Variants in FAM83A observed in about 807,000 individuals in gnomAD.
FAM83A encodes protein FAM83A.
In FAM83A, 21 loss-of-function variants were observed where a neutral mutation model predicts 24.4. The ratio of observed to expected loss-of-function variants is 0.86; its 90% CI spans 0.61 to 1.24. The LOEUF is 1.24. FAM83A is among the 50% of genes most tolerant of loss of function. The pLI is 0.00. For missense variants in FAM83A, 617 were observed against 579.8 expected, an observed-to-expected ratio of 1.06 and a Z score of -0.66; for synonymous variants, 270 against 252.4, an observed-to-expected ratio of 1.07 and a Z score of -0.66.
chr8:123,183,366 G>T, intron 1 of FAM83A, 30 bp downstream of exon 1: 1 of 1,590,444 alleles, frequency 6.3e-7, no homozygotes. Context: ...TGTCTCCGTG[G>T]CCAAGTAGCA....
chr8:123,203,975 G>A (rs1238409430), intron 3 of FAM83A, among the ~76,000 whole-genome samples: 4 of 144,758 alleles, frequency 2.8e-5, no homozygotes, highest in Admixed American at 1.4e-4. Flanking sequence ...AAAAAAAAAA[G>A]GACAAAAAAA....
At chr8:123,207,785 C>A in exon 4 of FAM83A, 1 of 1,406,452 alleles carries the variant, frequency 7.1e-7, no homozygotes, top group South Asian at 1.6e-5. Flanking sequence ...AGCCACTTCC[C>A]TTTGAAAAGA....
At chr8:123,187,422 C>G (rs61354203) in intron 1 of FAM83A, among the ~76,000 whole-genome samples, 1 of 152,164 alleles carries the variant, frequency 6.6e-6, no homozygotes, top group African/African-American at 2.4e-5. Context: ...CACGCAGAAG[C>G]GGCTCTGACC....
chr8:123,192,042 A>C (rs1328411907), intron 2 of FAM83A, 72 bp downstream of exon 2: 1 of 1,513,302 alleles, frequency 6.6e-7, no homozygotes, highest in Non-Finnish European at 9.0e-7. Context: ...AATAGTAACA[A>C]ATGTCCCTCA....
chr8:123,183,207 A>C, exon 1 of FAM83A: 1 of 1,613,656 alleles, frequency 6.2e-7, no homozygotes, highest in African/African-American at 1.3e-5. Flanking sequence ...AGCCGGCCCT[A>C]CTGCACAGCT....
rs766567356 is a variant in FAM83A at position 123,209,510 on chromosome 8, CTTG to C, written c.*1828_*1830del. 6.8e-6 allele frequency: 11 copies of C among 1,614,172 alleles called. No homozygotes were observed. Among genetic ancestry groups the C allele is most frequent in the South Asian group, 5.5e-5 (5 of 91,076 alleles). On this transcript the variant is annotated 3_prime_UTR_variant, in exon 4 of 4. Transcript: ENST00000690554. This position sits in a 1 kb window ranked among gnomAD's most constrained non-coding sequence, Gnocchi z 4.7. ...ATGGCTTTCTGAACCCAGCCCTGAC[CTTG>C]TTGTTTCACAGCTGACGGCTGAGAT...
At position 123,191,989 on chromosome 8, in the gene FAM83A, G is replaced by A. The variant is rs1363930416; in HGVS notation, c.648+19G>A. The A allele has an allele frequency of 6.2e-7, 1 of 1,612,896 alleles. No individual in the cohort carries two copies. Among genetic ancestry groups the A allele is most frequent in the Non-Finnish European group, 8.5e-7 (1 of 1,179,350 alleles). ...CCTCAAGGTAGGGGCCCCAATGAGA[G>A]TCCTAAGGGTACTCATATTAGCCCA... On this transcript the variant is annotated intron_variant, in intron 2 of 3. Coordinates refer to ENST00000690554, the Ensembl canonical transcript of FAM83A.
intron 3 of FAM83A, among the ~76,000 whole-genome samples, chr8:123,198,012 C>A (rs1824219193): frequency 6.6e-6 from 1 of 152,156 alleles, no homozygotes; most frequent in South Asian, 2.1e-4. Flanking sequence ...CACCTGTAAT[C>A]CCAGCTGCTG....
chr8:123,208,460 G>A (rs115042207), exon 4 of FAM83A: 1 of 985,336 alleles, frequency 1.0e-6, no homozygotes. Context: ...GAGTTGTCAG[G>A]GGCCAGGACT....
At chr8:123,189,701 T>C (rs769612081) in intron 1 of FAM83A, among the ~76,000 whole-genome samples, 2 of 152,158 alleles carry the variant, frequency 1.3e-5, no homozygotes, top group Non-Finnish European at 2.9e-5. Context: ...TGGCTTTGAG[T>C]CTTCCTGCCT....
At chr8:123,199,789 T>A (rs533231134) in intron 3 of FAM83A, 66 of 153,910 alleles carry the variant, frequency 4.3e-4, no homozygotes, top group African/African-American at 1.4e-3. Flanking sequence ...GTATACTAAT[T>A]TTTTTATTTG....
exon 1 of FAM83A, chr8:123,183,088 C>A (rs781262497): frequency 6.2e-7 from 1 of 1,613,780 alleles, no homozygotes; most frequent in African/African-American, 1.3e-5. Context: ...GGCCAGGGAG[C>A]CCCCGTGTCC....
At chr8:123,201,677 G>A (rs1824361660) in intron 3 of FAM83A, 1 of 152,208 alleles carries the variant, frequency 6.6e-6, no homozygotes, top group Non-Finnish European at 1.5e-5. Flanking sequence ...CCCTTCTTCT[G>A]GTTGTATATG....
intron 2 of FAM83A, among the ~76,000 whole-genome samples, 200 bp downstream of exon 2, chr8:123,192,170 A>C (rs1824004809): frequency 6.6e-6 from 1 of 152,216 alleles, no homozygotes; most frequent in Non-Finnish European, 1.5e-5. Flanking sequence ...ACGGCCTCTA[A>C]GATAACCATG....
At chr8:123,185,944 C>T (rs563916808) in intron 1 of FAM83A, among the ~76,000 whole-genome samples, 2 of 152,194 alleles carry the variant, frequency 1.3e-5, no homozygotes, top group African/African-American at 4.8e-5. Flanking sequence ...GTACCTGCCA[C>T]CGCACCAGGC....
At chr8:123,195,213 A>G (rs772356372) in intron 3 of FAM83A, among the ~76,000 whole-genome samples, 2 of 152,174 alleles carry the variant, frequency 1.3e-5, no homozygotes, top group Non-Finnish European at 2.9e-5. Flanking sequence ...CTGCAAACAC[A>G]TAGTAGTGAC....
Position 123,209,510 on chromosome 8 carries a change from CTTGTTG to C in FAM83A, c.*1825_*1830del. On this transcript the variant is annotated 3_prime_UTR_variant, in exon 4 of 4. Coordinates refer to ENST00000690554, the Ensembl canonical transcript of FAM83A. The surrounding 1 kb of genome is among the most constrained non-coding windows in gnomAD (Gnocchi z 4.7). Reference sequence around the variant, plus strand: ...ATGGCTTTCTGAACCCAGCCCTGACCTTGTTGTTTCACAGCTGACGGCTGAGATGAG... The same window carrying C: ...ATGGCTTTCTGAACCCAGCCCTGACCTTTCACAGCTGACGGCTGAGATGAG... 6.2e-7 allele frequency: 1 copy of C among 1,614,172 alleles called. No individual in the cohort carries two copies. Among genetic ancestry groups the C allele is most frequent in the Non-Finnish European group, 8.5e-7 (1 of 1,180,034 alleles).
chr8:123,183,456 G>A (rs1823685273), intron 1 of FAM83A, 120 bp downstream of exon 1: 1 of 1,430,220 alleles, frequency 7.0e-7, no homozygotes, highest in Admixed American at 2.4e-5. Context: ...TGGGGCTTCG[G>A]ATGGAGGGGC....
exon 4 of FAM83A, chr8:123,207,401 G>A (rs1389441341): frequency 6.2e-7 from 1 of 1,610,830 alleles, no homozygotes; most frequent in African/African-American, 1.3e-5. Context: ...CGGCCGCTCG[G>A]CAGGCAGCCA....
Sources: allele counts gnomAD v4.1 joint callset (sites outside exome capture counted in the v4.1 genomes callset), GRCh38; gene constraint gnomAD v4.1.1; non-coding constraint Gnocchi (gnomAD v3.1); transcripts MANE v1.5; gene names NCBI Gene and HGNC (gene_info 2026-07-23, HGNC 2026-07-21).